The following FRMD4A variants were observed in gnomAD, a reference collection of about 807,000 sequenced individuals.
The protein encoded by FRMD4A is FERM domain containing 4A.
Under a neutral mutation model 129.1 loss-of-function variants are expected in FRMD4A, and 29 were observed. That is an observed-to-expected ratio of 0.22 (90% CI 0.17 to 0.31). The LOEUF is 0.31. Ranked by LOEUF, FRMD4A falls within the 10% of genes least tolerant of loss-of-function variation. The pLI is 1.00. For synonymous variants in FRMD4A, 634 were observed against 571.6 expected, an observed-to-expected ratio of 1.11 and a Z score of -1.56; for missense variants, 1,272 against 1,375.8, an observed-to-expected ratio of 0.92 and a Z score of 1.19.
At chr10:14,281,756 C>T (rs539255076) in intron 2 of FRMD4A, among the ~76,000 whole-genome samples, 1 of 152,190 alleles carries the variant, frequency 6.6e-6, no homozygotes, top group Non-Finnish European at 1.5e-5. Context: ...TAGTCATAAA[C>T]CATATGCAGT....
At chr10:14,264,456 C>G (rs1844909746) in intron 2 of FRMD4A, among the ~76,000 whole-genome samples, 1 of 152,220 alleles carries the variant, frequency 6.6e-6, no homozygotes. Flanking sequence ...TTGCTGGACT[C>G]TAGCCAATGA....
At chr10:13,845,708 C>G (rs958297429) in intron 3 of FRMD4A, among the ~76,000 whole-genome samples, 1 of 152,072 alleles carries the variant, frequency 6.6e-6, no homozygotes, top group African/African-American at 2.4e-5. Flanking sequence ...GAATTTAACC[C>G]TAATCACAAG....
chr10:14,030,818 TC>T (rs1349759411), intron 2 of FRMD4A, among the ~76,000 whole-genome samples: 1 of 151,802 alleles, frequency 6.6e-6, no homozygotes, highest in Non-Finnish European at 1.5e-5. Flanking sequence ...ACCTTGTCTT[TC>T]CCACTCAGGA....
intron 12 of FRMD4A, among the ~76,000 whole-genome samples, chr10:13,734,228 A>T (rs910018712): frequency 6.6e-6 from 1 of 152,028 alleles, no homozygotes; most frequent in Non-Finnish European, 1.5e-5. Flanking sequence ...TCCATCCTGA[A>T]GCCCCGCCAG....
chr10:13,798,695 T>G (rs7088787), intron 4 of FRMD4A, among the ~76,000 whole-genome samples: 1 of 152,110 alleles, frequency 6.6e-6, no homozygotes, highest in African/African-American at 2.4e-5. Context: ...CCAGCCTGGG[T>G]GACAGAGCGA....
intron 2 of FRMD4A, among the ~76,000 whole-genome samples, chr10:14,180,229 A>C (rs1182818892): frequency 6.6e-6 from 1 of 152,194 alleles, no homozygotes; most frequent in Non-Finnish European, 1.5e-5. Context: ...CATCTCACTT[A>C]ATTTTAACAG....
intron 2 of FRMD4A, among the ~76,000 whole-genome samples, chr10:14,327,418 T>C (rs953947602): frequency 6.6e-6 from 1 of 152,184 alleles, no homozygotes; most frequent in African/African-American, 2.4e-5. Context: ...AGATCTTAAA[T>C]TGTGTTTAAC....
intron 2 of FRMD4A, among the ~76,000 whole-genome samples, chr10:13,946,832 C>T (rs2095335558): frequency 6.6e-6 from 1 of 152,132 alleles, no homozygotes; most frequent in African/African-American, 2.4e-5. Context: ...CGATGCCTGT[C>T]CTATACCTGG....
intron 3 of FRMD4A, among the ~76,000 whole-genome samples, chr10:13,811,918 C>T (rs2093455797): frequency 7.1e-6 from 1 of 141,050 alleles, no homozygotes; most frequent in Non-Finnish European, 1.5e-5. Flanking sequence ...GAGTCTCGCT[C>T]TGTCACCAGG....
chr10:13,868,739 C>CAGTGA (rs2094404726), intron 2 of FRMD4A, among the ~76,000 whole-genome samples: 2 of 152,232 alleles, frequency 1.3e-5, no homozygotes, highest in South Asian at 4.1e-4. Flanking sequence ...GCAGAAGTTG[C>CAGTGA]AGTGAACTGA....
At chr10:13,756,469 C>A (rs150827940) in intron 8 of FRMD4A, among the ~76,000 whole-genome samples, 70 of 152,302 alleles carry the variant, frequency 4.6e-4, no homozygotes, top group African/African-American at 1.6e-3. Context: ...TCAAGCAATC[C>A]TCCCACCTCA....
intron 2 of FRMD4A, among the ~76,000 whole-genome samples, chr10:14,187,040 G>T (rs186143323): frequency 6.6e-6 from 1 of 151,936 alleles, no homozygotes; most frequent in African/African-American, 2.4e-5. Flanking sequence ...GATTGCCTGA[G>T]CCCAGGAGTT....
Position 13,704,846 on chromosome 10 carries a change from G to T in FRMD4A, c.836+2191C>A, listed in dbSNP as rs1418967940. Among the ~76,000 whole-genome samples the T allele has an allele frequency of 2.0e-5, 3 of 151,988 alleles. No individual in the cohort carries two copies. In the East Asian group the frequency reaches 5.8e-4, roughly 29 times the overall value. On this transcript the variant is annotated intron_variant, in intron 13 of 24. Transcript: ENST00000357447. Reference sequence around the variant, plus strand: ...AGCACTTTGAGAGGCCAAGATGGGAGGATTGCTTGAGCTTGGGAATTTGAG... The same window carrying T: ...AGCACTTTGAGAGGCCAAGATGGGATGATTGCTTGAGCTTGGGAATTTGAG...
chr10:14,030,602 C>T (rs1833192148), intron 2 of FRMD4A, among the ~76,000 whole-genome samples: 1 of 152,186 alleles, frequency 6.6e-6, no homozygotes, highest in Non-Finnish European at 1.5e-5. Flanking sequence ...ATATAGACAA[C>T]AAGCTGCCTG....
intron 9 of FRMD4A, among the ~76,000 whole-genome samples, chr10:13,746,368 G>A (rs961322589): frequency 1.1e-4 from 16 of 151,890 alleles, no homozygotes; most frequent in African/African-American, 3.2e-4. Context: ...GCGACATCAT[G>A]TCCAGCTAAT....
In FRMD4A at chr10:13,736,570, C is replaced by A. The variant is rs554910636; in HGVS notation, c.759+1274G>T. Among the ~76,000 whole-genome samples the A allele has an allele frequency of 2.0e-5, 3 of 152,290 alleles. No homozygotes were observed. The South Asian group carries it at 6.2e-4, about 32-fold the overall frequency. ...AGTAAAAATCCTCCCAACATGGGAA[C>A]ATTTTTTCTTCTATCAATTTAATAA... On this transcript the variant is annotated intron_variant, in intron 12 of 24. Coordinates refer to ENST00000357447, the MANE Select transcript of FRMD4A (RefSeq NM_018027.5).
chr10:14,231,575 T>C (rs900524064), intron 2 of FRMD4A, among the ~76,000 whole-genome samples: 8 of 152,180 alleles, frequency 5.3e-5, no homozygotes, highest in Admixed American at 5.2e-4. Context: ...CTCGATCTCC[T>C]GACCTTTTGA....
chr10:13,835,549 T>C (rs1462951253), intron 3 of FRMD4A, among the ~76,000 whole-genome samples: 1 of 152,112 alleles, frequency 6.6e-6, no homozygotes, highest in Non-Finnish European at 1.5e-5. Context: ...TCCACCTCCC[T>C]TCAGATCAGT....
At position 13,656,857 on chromosome 10, in the gene FRMD4A, C is replaced by T. The variant is rs1234618009; in HGVS notation, c.2732G>A (p.Arg911His). 3 of 1,493,854 alleles carry T rather than the reference C, an allele frequency of 2.0e-6. No homozygotes were observed. Among genetic ancestry groups the T allele is most frequent in the African/African-American group, 1.4e-5 (1 of 69,440 alleles). 92.5% of individuals were successfully genotyped at this position (1,493,854 alleles called of 1,614,324 possible). The change falls in exon 22 of 25, where the codon CGC becomes CAC. Residue 911 changes from arginine (R) to histidine (H), a missense_variant. Physicochemically the swap from Arg to His is conservative, Grantham distance 29 (BLOSUM62 0). Coordinates refer to ENST00000357447, the MANE Select transcript of FRMD4A (RefSeq NM_018027.5). ...CGCGCCCTTGTCGTGGGCGCCCTCG[C>T]GGCCCAGCGACGGAGTCCGCAGGAT... ...SQILRTPSLG[R>H]EGAHDKGAGR...
Sources: allele counts gnomAD v4.1 joint callset (sites outside exome capture counted in the v4.1 genomes callset), GRCh38; gene constraint gnomAD v4.1.1; transcripts MANE v1.5; gene names NCBI Gene and HGNC (gene_info 2026-07-23, HGNC 2026-07-21).